Variants in LARP4B observed in about 807,000 individuals in gnomAD.
LARP4B encodes the protein La ribonucleoprotein 4B.
Under a neutral mutation model 89.8 loss-of-function variants are expected in LARP4B, and 12 were observed. The observed-to-expected ratio is 0.13, with a 90% CI of 0.09 to 0.22. The LOEUF is 0.22. Ranked by LOEUF, LARP4B falls within the 10% of genes least tolerant of loss-of-function variation. The pLI, the probability that LARP4B is intolerant of heterozygous loss-of-function variation, is 1.00. For missense variants in LARP4B, 757 were observed against 947.7 expected, an observed-to-expected ratio of 0.80 and a Z score of 2.64; for synonymous variants, 367 against 363.3, an observed-to-expected ratio of 1.01 and a Z score of -0.12.
chr10:927,176 A>T (rs1052466593), intron 1 of LARP4B, among the ~76,000 whole-genome samples: 1 of 152,224 alleles, frequency 6.6e-6, no homozygotes, highest in Non-Finnish European at 1.5e-5. Context: ...CTGAACTGCA[A>T]ATCCTTTATG....
chr10:963,992 T>A, the LARP4B span, among the ~76,000 whole-genome samples: 1 of 152,214 alleles, frequency 6.6e-6, no homozygotes, highest in Non-Finnish European at 1.5e-5. Context: ...GTAAGTTCCA[T>A]AAACAAGTTC....
chr10:851,777 T>G (rs1834062749), intron 5 of LARP4B, among the ~76,000 whole-genome samples: 1 of 152,200 alleles, frequency 6.6e-6, no homozygotes. Context: ...ATAAAACTCC[T>G]GCCCAGGTGG....
chr10:830,118 T>A (rs188037806), intron 9 of LARP4B, among the ~76,000 whole-genome samples: 3 of 152,330 alleles, frequency 2.0e-5, no homozygotes, highest in African/African-American at 7.2e-5. Flanking sequence ...AGGAAAAGGA[T>A]TAGGATCATA....
At chr10:905,412 T>G (rs2132000221) in intron 1 of LARP4B, among the ~76,000 whole-genome samples, 1 of 152,320 alleles carries the variant, frequency 6.6e-6, no homozygotes, top group East Asian at 1.9e-4. Context: ...AAATATTCCA[T>G]AACAATTATA....
At chr10:961,583 C>T in the LARP4B span, among the ~76,000 whole-genome samples, 1 of 138,328 alleles carries the variant, frequency 7.2e-6, no homozygotes, top group East Asian at 2.0e-4. Context: ...CTGGGGAGGC[C>T]TCGGGAAGGT....
intron 1 of LARP4B, among the ~76,000 whole-genome samples, chr10:918,497 G>T (rs957472004): frequency 1.1e-4 from 17 of 151,978 alleles, no homozygotes; most frequent in Admixed American, 1.1e-3. Flanking sequence ...AACCAGGTGT[G>T]GTGGCACGTG....
intron 8 of LARP4B, among the ~76,000 whole-genome samples, 183 bp from the exon 9 acceptor site, chr10:831,160 C>T (rs1832884319): frequency 6.6e-6 from 1 of 152,000 alleles, no homozygotes; most frequent in African/African-American, 2.4e-5. Flanking sequence ...ATCAGAATCA[C>T]AATGCCATAG....
chr10:897,946 CCACTG>C (rs1161007771), intron 1 of LARP4B, among the ~76,000 whole-genome samples: 1 of 143,852 alleles, frequency 7.0e-6, no homozygotes, highest in African/African-American at 2.6e-5. Context: ...CAAGATCACG[CCACTG>C]CACTCCAGCC....
chr10:908,273 T>G (rs1298751616), intron 1 of LARP4B, among the ~76,000 whole-genome samples: 1 of 152,184 alleles, frequency 6.6e-6, no homozygotes, highest in East Asian at 1.9e-4. Context: ...ACATGGAGGT[T>G]GTTAAAGAGT....
At chr10:863,061 T>C (rs1197902100) in intron 5 of LARP4B, among the ~76,000 whole-genome samples, 1 of 152,214 alleles carries the variant, frequency 6.6e-6, no homozygotes, top group Non-Finnish European at 1.5e-5. Context: ...CAAATGTGAA[T>C]GGCTTCTAAG....
chr10:875,205 T>C (rs1213184901), intron 3 of LARP4B, among the ~76,000 whole-genome samples: 1 of 152,232 alleles, frequency 6.6e-6, no homozygotes, highest in Admixed American at 6.5e-5. Context: ...CTGCCTGGCT[T>C]TGAGTCTCAG....
chr10:939,689 A>G, the LARP4B span, among the ~76,000 whole-genome samples: 5 of 152,208 alleles, frequency 3.3e-5, no homozygotes, highest in African/African-American at 4.8e-5. Context: ...CTCATAAAGA[A>G]GAGGAATGAG....
chr10:835,758 C>A (rs1333880279), intron 8 of LARP4B, among the ~76,000 whole-genome samples: 1 of 152,132 alleles, frequency 6.6e-6, no homozygotes, highest in Admixed American at 6.5e-5. Context: ...GATGGTGAAA[C>A]CCCGTCTCTA....
chr10:864,375 C>A, intron 3 of LARP4B, 105 bp from the exon 4 acceptor site: 1 of 1,041,466 alleles, frequency 9.6e-7, no homozygotes, highest in Non-Finnish European at 1.4e-6. Context: ...TCCAAAGGCT[C>A]AGCCTATGTA....
In LARP4B at chr10:812,911, C is replaced by A; in HGVS notation, c.*15G>T. On this transcript the variant is annotated 3_prime_UTR_variant, in exon 18 of 18. Transcript: ENST00000316157. ...TTAACACAGCGCTCTGCGACCCCTC[C>A]CAGACGTACGGTTTTCACTGAGGAG... is the stretch of plus-strand genomic sequence containing the variant. 1 of 1,523,398 alleles carries A rather than the reference C, an allele frequency of 6.6e-7. No homozygotes were observed. The highest frequency in any genetic ancestry group is 8.8e-7 in the Non-Finnish European group (1 of 1,142,060). The allele number at this position is 1,523,398 out of a possible 1,614,324, so 94.4% of individuals were successfully genotyped here. A position where few individuals can be genotyped will look rare whatever the true frequency, so the allele number is the denominator to read the frequency against.
At chr10:892,363 C>G (rs1201016899) in intron 1 of LARP4B, among the ~76,000 whole-genome samples, 1 of 152,210 alleles carries the variant, frequency 6.6e-6, no homozygotes, top group Non-Finnish European at 1.5e-5. Context: ...GAGACCATAA[C>G]TCTCTTAAAT....
rs141814873 is a variant in LARP4B at position 813,152 on chromosome 10, G to A, written c.1991C>T (p.Ser664Phe). The change falls in exon 18 of 18, where the codon TCC becomes TTC. Residue 664 changes from serine (S) to phenylalanine (F), a missense_variant. Physicochemically the swap from Ser to Phe is radical, Grantham distance 155. This residue lies in a region of LARP4B where 387 missense variants were observed against 423.6 expected (regional missense o/e 0.91). Coordinates refer to ENST00000316157, the MANE Select transcript of LARP4B (RefSeq NM_015155.3). ...CQRTSKEPPS[S>F]PLQPQKEQKP... Reference sequence around the variant, plus strand: ...TTGTTCTTTTTGGGGTTGCAATGGGGAAGAAGGAGGCTCTTTACTCGTTCT... The same window carrying A: ...TTGTTCTTTTTGGGGTTGCAATGGGAAAGAAGGAGGCTCTTTACTCGTTCT... 40 of 1,613,868 alleles carry A rather than the reference G, an allele frequency of 2.5e-5. No individual in the cohort carries two copies. The highest frequency in any genetic ancestry group is 5.3e-5 in the African/African-American group (4 of 74,868).
At chr10:848,999 G>T (rs1025049897) in intron 5 of LARP4B, among the ~76,000 whole-genome samples, 2 of 152,156 alleles carry the variant, frequency 1.3e-5, no homozygotes, top group Non-Finnish European at 2.9e-5. Flanking sequence ...GATGACCAAA[G>T]CATCCGGGCC....
chr10:927,741 T>C (rs1837184502), intron 1 of LARP4B, among the ~76,000 whole-genome samples: 1 of 152,218 alleles, frequency 6.6e-6, no homozygotes, highest in Non-Finnish European at 1.5e-5. Flanking sequence ...TCCAAAAACA[T>C]GACTTCAGTG....
Sources: gnomAD v4.1 joint callset for allele counts (sites outside exome capture counted in the v4.1 genomes callset) on GRCh38, gnomAD v4.1.1 for gene constraint, gnomAD v4.1.1 regional missense constraint, MANE v1.5 for transcripts, NCBI Gene and HGNC (gene_info 2026-07-23, HGNC 2026-07-21) for gene names.